IMMP2L: variants seen among roughly 807,000 people sequenced by gnomAD.
The protein encoded by IMMP2L is inner mitochondrial membrane peptidase subunit 2.
IMMP2L carries 18 observed loss-of-function variants against 19.3 expected under a neutral mutation model. The observed-to-expected ratio is 0.93, with a 90% CI of 0.64 to 1.38. The LOEUF is 1.38. Among genes scored for constraint, IMMP2L ranks in the 40% most tolerant of loss-of-function variants. The pLI is 0.00. For missense variants in IMMP2L, 233 were observed against 218.2 expected (o/e 1.07, Z -0.43); for synonymous variants, 76 against 73.0 (o/e 1.04, Z -0.21).
intron 3 of IMMP2L, chr7:111,411,630 C>A: frequency 3.6e-6 from 1 of 278,572 alleles, no homozygotes; most frequent in East Asian, 8.9e-5. Flanking sequence ...AAAATCAACC[C>A]TGAGTGTAAA....
chr7:111,438,604 T>C (rs1442504031), intron 3 of IMMP2L, among the ~76,000 whole-genome samples: 1 of 151,954 alleles, frequency 6.6e-6, no homozygotes, highest in African/African-American at 2.4e-5. Context: ...AGCTGTGTTG[T>C]TAGAAGAAAT....
intron 5 of IMMP2L, among the ~76,000 whole-genome samples, chr7:110,737,232 C>A (rs567616023): frequency 6.6e-6 from 1 of 152,160 alleles, no homozygotes; most frequent in Non-Finnish European, 1.5e-5. Flanking sequence ...GCCAAAAAAA[C>A]TGTGAGTCTG....
intron 3 of IMMP2L, among the ~76,000 whole-genome samples, chr7:111,020,047 T>C (rs1233980711): frequency 1.3e-5 from 2 of 151,342 alleles, no homozygotes; most frequent in African/African-American, 4.9e-5. Context: ...ATGTCTGCTA[T>C]GTGCTAGGTA....
At position 111,182,639 on chromosome 7, in the gene IMMP2L, G is replaced by C. The variant is rs181267284; in HGVS notation, c.240-219074C>G. ...TTTCAAGTGGTATTAAAAAAATAAA[G>C]AAAGTCAATCACGTTTCTCAGAGAA... On this transcript the variant is annotated intron_variant, in intron 3 of 5. Transcript: ENST00000405709. Among the ~76,000 whole-genome samples the C allele has an allele frequency of 6.6e-5, 10 of 151,860 alleles. No homozygotes were observed. The East Asian group carries it at 1.9e-3, about 29-fold the overall frequency.
chr7:111,408,601 TATCTTTTTCATATGA>T (rs1250530632), intron 3 of IMMP2L, among the ~76,000 whole-genome samples: 2 of 151,800 alleles, frequency 1.3e-5, no homozygotes, highest in Non-Finnish European at 2.9e-5. Flanking sequence ...CAGTGTGTTT[TATCTTTTTCATATGA>T]AAGTTCAGTA....
chr7:111,428,938 CAG>C (rs1174207666), intron 3 of IMMP2L, among the ~76,000 whole-genome samples: 3 of 151,722 alleles, frequency 2.0e-5, no homozygotes, highest in African/African-American at 7.3e-5. Context: ...ATAAAATACA[CAG>C]AGTTTTGACA....
At chr7:110,670,689 C>CAAAAAAAAA (rs376027021) in intron 5 of IMMP2L, among the ~76,000 whole-genome samples, 9 of 91,486 alleles carry the variant, frequency 9.8e-5, no homozygotes, top group Non-Finnish European at 1.7e-4. Flanking sequence ...GACTCCGTCT[C>CAAAAAAAAA]AAAAAAAAAA....
At chr7:110,983,561 C>A (rs1297234703) in intron 3 of IMMP2L, among the ~76,000 whole-genome samples, 1 of 152,142 alleles carries the variant, frequency 6.6e-6, no homozygotes, top group African/African-American at 2.4e-5. Flanking sequence ...TATATCATTG[C>A]AATCACTCTT....
At chr7:111,182,674 G>C (rs186279546) in intron 3 of IMMP2L, among the ~76,000 whole-genome samples, 1 of 151,952 alleles carries the variant, frequency 6.6e-6, no homozygotes, top group East Asian at 1.9e-4. Flanking sequence ...AAATACCTCT[G>C]AGGTGGAGGT....
chr7:111,138,421 C>T (rs1802551666), intron 3 of IMMP2L, among the ~76,000 whole-genome samples: 1 of 152,176 alleles, frequency 6.6e-6, no homozygotes, highest in Non-Finnish European at 1.5e-5. Flanking sequence ...CCCAAATTAA[C>T]TCCAGGGGCC....
chr7:110,740,876 A>G (rs890919692), intron 5 of IMMP2L, among the ~76,000 whole-genome samples: 1 of 151,994 alleles, frequency 6.6e-6, no homozygotes, highest in Non-Finnish European at 1.5e-5. Flanking sequence ...CACATTCTGT[A>G]CATGTAACCC....
intron 5 of IMMP2L, among the ~76,000 whole-genome samples, chr7:110,716,503 T>C (rs1051492826): frequency 3.9e-5 from 6 of 152,322 alleles, no homozygotes; most frequent in Non-Finnish European, 4.4e-5. Flanking sequence ...TAATAGTAAC[T>C]AATTCCCTTG....
At chr7:111,478,153 G>C (rs1291406844) in intron 3 of IMMP2L, among the ~76,000 whole-genome samples, 1 of 151,916 alleles carries the variant, frequency 6.6e-6, no homozygotes, top group Non-Finnish European at 1.5e-5. Context: ...TTACACTATT[G>C]ATTGTGTGTT....
At chr7:110,889,125 A>G (rs993333534) in intron 4 of IMMP2L, among the ~76,000 whole-genome samples, 3 of 152,084 alleles carry the variant, frequency 2.0e-5, no homozygotes, top group Non-Finnish European at 4.4e-5. Context: ...ACATACCCTA[A>G]CTCAGCAGTC....
intron 5 of IMMP2L, among the ~76,000 whole-genome samples, chr7:110,878,511 T>G (rs763111554): frequency 2.0e-4 from 31 of 151,958 alleles, no homozygotes; most frequent in Non-Finnish European, 4.1e-4. Context: ...CTTGAAAAAA[T>G]TTACTTTTAA....
At chr7:111,299,039 T>C (rs1300238673) in intron 3 of IMMP2L, among the ~76,000 whole-genome samples, 1 of 152,110 alleles carries the variant, frequency 6.6e-6, no homozygotes, top group Non-Finnish European at 1.5e-5. Flanking sequence ...ACTAACTTTA[T>C]TTAAGGACAA....
chr7:110,907,507 T>C (rs1018852818), intron 4 of IMMP2L, among the ~76,000 whole-genome samples: 2 of 151,388 alleles, frequency 1.3e-5, no homozygotes, highest in African/African-American at 4.9e-5. Context: ...TGATGGGGGA[T>C]GGGGCGGGCC....
At chr7:110,830,299 G>A (rs142163939) in intron 5 of IMMP2L, among the ~76,000 whole-genome samples, 719 of 152,154 alleles carry the variant, frequency 4.7e-3, no homozygotes, top group African/African-American at 0.016. Flanking sequence ...CCTGTGGACC[G>A]CTTCCTTCTA....
chr7:110,677,534 T>A (rs73207100), intron 5 of IMMP2L, among the ~76,000 whole-genome samples: 4,030 of 152,184 alleles, frequency 0.026, 69 homozygotes, highest in Middle Eastern at 0.092. Flanking sequence ...CAACTCCTAA[T>A]AAAACAAAGG....
Sources: gnomAD v4.1 joint callset for allele counts (sites outside exome capture counted in the v4.1 genomes callset) on GRCh38, gnomAD v4.1.1 for gene constraint, MANE v1.5 for transcripts, NCBI Gene and HGNC (gene_info 2026-07-23, HGNC 2026-07-21) for gene names.